Variants in HDAC4 observed in about 807,000 individuals in gnomAD.
HDAC4 encodes the protein histone deacetylase 4.
Under a neutral mutation model 135.1 loss-of-function variants are expected in HDAC4, and 16 were observed. The observed-to-expected ratio is 0.12, with a 90% CI of 0.08 to 0.18. The LOEUF (loss-of-function observed/expected upper bound fraction) is 0.18. Among genes scored for constraint, HDAC4 ranks in the 10% least tolerant of loss-of-function variants. The pLI, the probability that HDAC4 is intolerant of heterozygous loss-of-function variation, is 1.00. For missense variants in HDAC4, 1,143 were observed against 1,511.8 expected, an observed-to-expected ratio of 0.76 and a Z score of 4.05; for synonymous variants, 685 against 653.4, an observed-to-expected ratio of 1.05 and a Z score of -0.74.
chr2:239,394,832 C>T (rs572307731), intron 1 of HDAC4, among the ~76,000 whole-genome samples: 15 of 152,244 alleles, frequency 9.9e-5, no homozygotes, highest in Admixed American at 6.5e-4. Flanking sequence ...TTTCATTCTT[C>T]GAGCACCTAC....
At chr2:239,104,356 G>C (rs2037933021) in intron 15 of HDAC4, among the ~76,000 whole-genome samples, 1 of 152,164 alleles carries the variant, frequency 6.6e-6, no homozygotes, top group African/African-American at 2.4e-5. Flanking sequence ...AGCCTCCTGA[G>C]TAGCTGGGAT....
At position 239,377,819 on chromosome 2, in the gene HDAC4, G is replaced by T. The variant is rs1225605249; in HGVS notation, c.-220+23159C>A. On this transcript the variant is annotated intron_variant, in intron 1 of 26. Coordinates refer to ENST00000543185, the MANE Select transcript of HDAC4 (RefSeq NM_001378414.1). ...CAACTGGGCACGGCCAGGCAGACAA[G>T]CCCAGGCCCAAGACTGATCACCGCG... Among the ~76,000 whole-genome samples, 10 of 152,110 alleles carry T rather than the reference G, an allele frequency of 6.6e-5. No individual in the cohort carries two copies. The East Asian group carries it at 1.9e-3, about 30-fold the overall frequency.
At chr2:239,243,153 TC>T (rs1333001902) in intron 2 of HDAC4, among the ~76,000 whole-genome samples, 17 of 150,850 alleles carry the variant, frequency 1.1e-4, no homozygotes, top group African/African-American at 4.2e-4. Context: ...AAATTAACAT[TC>T]CTTTTTTTTT....
chr2:239,181,432 C>T (rs1442247214), intron 4 of HDAC4, among the ~76,000 whole-genome samples: 3 of 152,240 alleles, frequency 2.0e-5, no homozygotes, highest in Non-Finnish European at 2.9e-5. Flanking sequence ...CCACCACGCC[C>T]GGCAGCAGCG....
At position 239,220,630 on chromosome 2, in the gene HDAC4, C is replaced by T. The variant is rs111547700; in HGVS notation, c.94+15963G>A. ...AATCTTCAACGACACACAGAGTTAG[C>T]GAGAGGAATATAATAAACACCCACG... On this transcript the variant is annotated intron_variant, in intron 3 of 26. Coordinates refer to ENST00000543185, the MANE Select transcript of HDAC4 (RefSeq NM_001378414.1). 1.1e-4 allele frequency among the ~76,000 whole-genome samples: 17 copies of T among 152,192 alleles called. No individual in the cohort carries two copies. The East Asian group carries it at 2.5e-3, about 22-fold the overall frequency.
chr2:239,399,688 G>A (rs761337155), intron 1 of HDAC4, among the ~76,000 whole-genome samples: 2 of 152,188 alleles, frequency 1.3e-5, no homozygotes, highest in Non-Finnish European at 2.9e-5. Context: ...AAACAGAAAA[G>A]CCTGAACAGA....
At chr2:239,302,069 T>A (rs2052302014) in intron 2 of HDAC4, among the ~76,000 whole-genome samples, 1 of 152,050 alleles carries the variant, frequency 6.6e-6, no homozygotes, top group South Asian at 2.1e-4. Flanking sequence ...TGGAAAATAA[T>A]CTCTAATGAT....
At chr2:239,214,293 C>T (rs941707643) in intron 3 of HDAC4, among the ~76,000 whole-genome samples, 2 of 152,094 alleles carry the variant, frequency 1.3e-5, no homozygotes, top group Non-Finnish European at 2.9e-5. Flanking sequence ...ATGGCCCTGT[C>T]GACACTCTGT....
intron 7 of HDAC4, among the ~76,000 whole-genome samples, chr2:239,147,915 C>T (rs1467174690): frequency 1.3e-5 from 2 of 152,232 alleles, no homozygotes; most frequent in East Asian, 3.8e-4. Flanking sequence ...CAGGCTGGCT[C>T]CTCCAACTTA....
At position 239,400,015 on chromosome 2, in the gene HDAC4, G is replaced by C. The variant is rs575777321; in HGVS notation, c.-220+963C>G. Among the ~76,000 whole-genome samples, 1 of 152,156 alleles carries C rather than the reference G, an allele frequency of 6.6e-6. No individual in the cohort carries two copies. Among genetic ancestry groups the C allele is most frequent in the African/African-American group, 2.4e-5 (1 of 41,442 alleles). On this transcript the variant is annotated intron_variant, in intron 1 of 26. Coordinates refer to ENST00000543185, the MANE Select transcript of HDAC4 (RefSeq NM_001378414.1). The surrounding 1 kb of genome is among the most constrained non-coding windows in gnomAD (Gnocchi z 4.7). ...CCGGCCTTTCCAACTGATACGCACG[G>C]TCTCCTCCTATAACAGTGTCAAATA...
chr2:239,255,438 T>G (rs2048998769), intron 2 of HDAC4, among the ~76,000 whole-genome samples: 1 of 152,206 alleles, frequency 6.6e-6, no homozygotes, highest in South Asian at 2.1e-4. Flanking sequence ...CAGAGCCAAT[T>G]ATGCAGGGTT....
intron 3 of HDAC4, among the ~76,000 whole-genome samples, chr2:239,195,972 G>A (rs1262895503): frequency 6.6e-6 from 1 of 152,198 alleles, no homozygotes; most frequent in Non-Finnish European, 1.5e-5. Context: ...TTCTCAGGAC[G>A]CGATTTCATG....
In HDAC4 at chr2:239,245,041, G is replaced by A. The variant is rs1161037044; in HGVS notation, c.23-8377C>T. Among the ~76,000 whole-genome samples the A allele has an allele frequency of 6.6e-6, 1 of 152,232 alleles. No homozygotes were observed. Among genetic ancestry groups the A allele is most frequent in the Non-Finnish European group, 1.5e-5 (1 of 68,034 alleles). On this transcript the variant is annotated intron_variant, in intron 2 of 26. Coordinates refer to ENST00000543185, the MANE Select transcript of HDAC4 (RefSeq NM_001378414.1). This position sits in a 1 kb window ranked among gnomAD's most constrained non-coding sequence, Gnocchi z 4.4. ...ATTAATAGAAATTAAACTTTAATGA[G>A]TAAGTGCTGTGAATTCCTCAGGCAT...
chr2:239,180,698 A>T (rs1047395764), intron 4 of HDAC4, among the ~76,000 whole-genome samples: 1 of 152,232 alleles, frequency 6.6e-6, no homozygotes, highest in Non-Finnish European at 1.5e-5. Context: ...GTGAACAAGC[A>T]AAATGAACAT....
chr2:239,149,758 G>A (rs1476119675), intron 7 of HDAC4, among the ~76,000 whole-genome samples: 4 of 152,056 alleles, frequency 2.6e-5, no homozygotes, highest in African/African-American at 7.2e-5. Flanking sequence ...CTTGACTGAC[G>A]GTGACGGCAC....
intron 2 of HDAC4, among the ~76,000 whole-genome samples, chr2:239,289,645 C>T (rs1028553549): frequency 6.6e-6 from 1 of 152,236 alleles, no homozygotes; most frequent in Non-Finnish European, 1.5e-5. Context: ...GCAGCAGCCC[C>T]TCAGCCACTG....
chr2:239,054,251 C>T (rs557876284), intron 25 of HDAC4, among the ~76,000 whole-genome samples: 20 of 152,202 alleles, frequency 1.3e-4, no homozygotes, highest in African/African-American at 4.6e-4. Flanking sequence ...GTGTGGGAGG[C>T]GCCTCTGAGA....
chr2:239,255,464 C>T (rs531266774), intron 2 of HDAC4, among the ~76,000 whole-genome samples: 61 of 152,294 alleles, frequency 4.0e-4, no homozygotes, highest in African/African-American at 1.4e-3. Flanking sequence ...CCTGCATCTC[C>T]GGGCTCTACT....
intron 5 of HDAC4, among the ~76,000 whole-genome samples, chr2:239,176,199 T>C (rs1328591968): frequency 1.3e-5 from 2 of 151,126 alleles, no homozygotes; most frequent in Non-Finnish European, 3.0e-5. Flanking sequence ...TCCCTCCCTC[T>C]GCCCGGCCTT....
Sources: allele counts gnomAD v4.1 joint callset (sites outside exome capture counted in the v4.1 genomes callset), GRCh38; gene constraint gnomAD v4.1.1; non-coding constraint Gnocchi (gnomAD v3.1); transcripts MANE v1.5; gene names NCBI Gene and HGNC (gene_info 2026-07-23, HGNC 2026-07-21).